Variants in DPP6 observed in about 807,000 individuals in gnomAD.
DPP6 encodes A-type potassium channel modulatory protein DPP6.
Under a neutral mutation model 122.6 loss-of-function variants are expected in DPP6, and 69 were observed. That is an observed-to-expected ratio of 0.56 (90% confidence interval 0.46 to 0.69). The LOEUF is 0.69. Ranked by LOEUF, DPP6 falls within the 30% of genes least tolerant of loss-of-function variation. The pLI is 0.00. For synonymous variants in DPP6, 418 were observed against 433.1 expected (o/e 0.97, Z 0.43); for missense variants, 928 against 1,116.9 (o/e 0.83, Z 2.41).
chr7:154,412,067 C>T (rs185604663), intron 1 of DPP6, among the ~76,000 whole-genome samples: 12 of 152,206 alleles, frequency 7.9e-5, no homozygotes, highest in African/African-American at 2.2e-4. Flanking sequence ...AATAGCACCT[C>T]CTTGTCAAGT....
the DPP6 span, among the ~76,000 whole-genome samples, chr7:153,787,518 A>C: frequency 2.4e-5 from 3 of 127,100 alleles, 1 homozygote. Flanking sequence ...TAATCCCAGC[A>C]CTTTGGTAGG....
chr7:154,281,543 T>C (rs958068699), intron 1 of DPP6, among the ~76,000 whole-genome samples: 3 of 152,166 alleles, frequency 2.0e-5, no homozygotes, highest in Non-Finnish European at 4.4e-5. Flanking sequence ...TTGTTGTAAA[T>C]TTACATACCT....
At position 154,663,479 on chromosome 7, in the gene DPP6, T is replaced by A. The variant is rs4960701; in HGVS notation, c.681-5881T>A. 2.4e-4 allele frequency among the ~76,000 whole-genome samples: 8 copies of A among 33,590 alleles called. 1 individual carries two copies. The highest frequency in any genetic ancestry group is 3.3e-4 in the African/African-American group (6 of 18,080). The allele number at this position is 33,590 out of a possible 152,430, so 22.0% of individuals were successfully genotyped here. ...CATGGTGAATCACCATGGCATATTC[T>A]CCGTAGTGTTCATATAGTCATGGTG... On this transcript the variant is annotated intron_variant, in intron 6 of 25. Transcript: ENST00000377770.
intron 1 of DPP6, among the ~76,000 whole-genome samples, chr7:153,915,133 A>T (rs1487227543): frequency 6.6e-6 from 1 of 152,196 alleles, no homozygotes; most frequent in African/African-American, 2.4e-5. Context: ...CATCAGGCTT[A>T]AAGCTTGAGT....
At chr7:153,962,571 G>A (rs1486614968) in intron 1 of DPP6, among the ~76,000 whole-genome samples, 3 of 152,092 alleles carry the variant, frequency 2.0e-5, no homozygotes, top group African/African-American at 4.8e-5. Flanking sequence ...AGCCCCTTAC[G>A]TGAGCTGGGT....
chr7:154,721,502 C>T (rs191335898), intron 7 of DPP6, among the ~76,000 whole-genome samples: 1 of 152,146 alleles, frequency 6.6e-6, no homozygotes, highest in Non-Finnish European at 1.5e-5. Context: ...AAAAATTTAC[C>T]CGAAATACAT....
At chr7:153,863,563 T>A in the DPP6 span, among the ~76,000 whole-genome samples, 1 of 152,138 alleles carries the variant, frequency 6.6e-6, no homozygotes, top group African/African-American at 2.4e-5. Flanking sequence ...TGGTTAAGAC[T>A]CCCATCTCTA....
intron 8 of DPP6, among the ~76,000 whole-genome samples, chr7:154,729,436 A>G (rs1233367710): frequency 6.6e-6 from 1 of 152,234 alleles, no homozygotes; most frequent in Non-Finnish European, 1.5e-5. Context: ...CTGAAGCCAT[A>G]AAGTTCTATG....
At chr7:153,793,619 T>C in the DPP6 span, among the ~76,000 whole-genome samples, 1 of 150,830 alleles carries the variant, frequency 6.6e-6, no homozygotes, top group African/African-American at 2.4e-5. Context: ...TGTGCATAAG[T>C]AATGAGGAAC....
chr7:154,732,892 G>A (rs1842406177), intron 8 of DPP6, among the ~76,000 whole-genome samples: 2 of 152,194 alleles, frequency 1.3e-5, no homozygotes, highest in South Asian at 2.1e-4. Flanking sequence ...GACCCATGCA[G>A]TCAGGCAGCC....
intron 1 of DPP6, among the ~76,000 whole-genome samples, chr7:154,301,010 A>G (rs115831392): frequency 0.04 from 6,042 of 152,256 alleles, 177 homozygotes; most frequent in African/African-American, 0.071. Context: ...AGGCGATGTT[A>G]TATGGTGGTT....
At chr7:154,805,000 C>T (rs113463459) in intron 15 of DPP6, 36 bp downstream of exon 15, 2 of 1,573,918 alleles carry the variant, frequency 1.3e-6, no homozygotes, top group Non-Finnish European at 8.6e-7. Context: ...GGGCTCTCCC[C>T]CTTAGGAGGG....
At chr7:154,591,934 A>T (rs1832829339) in intron 5 of DPP6, among the ~76,000 whole-genome samples, 1 of 152,242 alleles carries the variant, frequency 6.6e-6, no homozygotes, top group Non-Finnish European at 1.5e-5. Flanking sequence ...CCCTGCCTCC[A>T]GGGCCTGTGC....
chr7:154,270,425 G>A (rs975411023), intron 1 of DPP6, among the ~76,000 whole-genome samples: 3 of 152,130 alleles, frequency 2.0e-5, no homozygotes, highest in Admixed American at 6.5e-5. Context: ...AAAACATGTC[G>A]TTGGCAGAGT....
intron 7 of DPP6, among the ~76,000 whole-genome samples, chr7:154,695,067 GT>G (rs1259793413): frequency 6.6e-6 from 1 of 152,188 alleles, no homozygotes; most frequent in Non-Finnish European, 1.5e-5. Flanking sequence ...GACCCCGTGG[GT>G]GGGTCAGCAA....
At chr7:153,919,892 G>C (rs1800551015) in intron 1 of DPP6, among the ~76,000 whole-genome samples, 1 of 152,170 alleles carries the variant, frequency 6.6e-6, no homozygotes, top group East Asian at 1.9e-4. Context: ...TGTTCATTGA[G>C]ATTATTATAA....
At chr7:154,859,768 C>T (rs762322472) in intron 17 of DPP6, among the ~76,000 whole-genome samples, 10 of 152,178 alleles carry the variant, frequency 6.6e-5, no homozygotes, top group Non-Finnish European at 1.3e-4. Context: ...AAAAAACCAA[C>T]AAAATCATAG....
At chr7:153,776,546 C>G in the DPP6 span, among the ~76,000 whole-genome samples, 3 of 152,134 alleles carry the variant, frequency 2.0e-5, no homozygotes, top group South Asian at 6.2e-4. Flanking sequence ...ATTACCCAGT[C>G]CTGGGTATGT....
intron 1 of DPP6, among the ~76,000 whole-genome samples, chr7:154,156,621 CACAG>C (rs1340257805): frequency 1.3e-5 from 2 of 152,192 alleles, no homozygotes; most frequent in African/African-American, 4.8e-5. Context: ...ATACAAAATT[CACAG>C]ACAAACACAT....
Sources: gnomAD v4.1 joint callset for allele counts (sites outside exome capture counted in the v4.1 genomes callset) on GRCh38, gnomAD v4.1.1 for gene constraint, MANE v1.5 for transcripts, NCBI Gene and HGNC (gene_info 2026-07-23, HGNC 2026-07-21) for gene names.